Variants in PLXNA4 observed in about 807,000 individuals in gnomAD.
PLXNA4 encodes the protein plexin-A4.
PLXNA4 carries 44 observed loss-of-function variants against 191.8 expected under a neutral mutation model. The observed-to-expected ratio is 0.23, with a 90% CI of 0.18 to 0.29. The LOEUF (loss-of-function observed/expected upper bound fraction) is 0.29, where lower values mean the gene tolerates loss of function less well. Among genes scored for constraint, PLXNA4 ranks in the 10% least tolerant of loss-of-function variants. The pLI is 1.00. For synonymous variants in PLXNA4, 1,082 were observed against 1,009.5 expected (o/e 1.07, Z -1.36); for missense variants, 1,800 against 2,488.8 (o/e 0.72, Z 5.89).
intron 3 of PLXNA4, among the ~76,000 whole-genome samples, chr7:132,432,122 A>G (rs1292658025): frequency 6.6e-6 from 1 of 151,984 alleles, no homozygotes; most frequent in Non-Finnish European, 1.5e-5. Context: ...CCCTGGTCCA[A>G]TTACAGCCCA....
At chr7:132,495,286 C>T (rs1301537329) in intron 2 of PLXNA4, among the ~76,000 whole-genome samples, 3 of 152,206 alleles carry the variant, frequency 2.0e-5, no homozygotes, top group African/African-American at 4.8e-5. Flanking sequence ...AGCCAGAGCT[C>T]AATGGCCCAA....
At chr7:132,463,250 A>G (rs1796584356) in intron 3 of PLXNA4, among the ~76,000 whole-genome samples, 1 of 152,178 alleles carries the variant, frequency 6.6e-6, no homozygotes, top group Non-Finnish European at 1.5e-5. Context: ...AGGAAGGGCC[A>G]GAGAGGATTT....
At chr7:132,307,195 T>A (rs1801557438) in intron 3 of PLXNA4, among the ~76,000 whole-genome samples, 3 of 152,096 alleles carry the variant, frequency 2.0e-5, no homozygotes, top group African/African-American at 7.2e-5. Flanking sequence ...ACTGCACTCA[T>A]AGAAGCACCT....
intron 3 of PLXNA4, among the ~76,000 whole-genome samples, chr7:132,402,371 G>A (rs796309174): frequency 2.4e-4 from 37 of 152,314 alleles, no homozygotes; most frequent in African/African-American, 8.9e-4. Context: ...CACCTAACAT[G>A]AGGAAGCCAC....
At chr7:132,631,602 G>A (rs1037263950) in intron 2 of PLXNA4, among the ~76,000 whole-genome samples, 1 of 152,150 alleles carries the variant, frequency 6.6e-6, no homozygotes, top group Non-Finnish European at 1.5e-5. Flanking sequence ...GCTCTTATCT[G>A]ATCTTTTGCC....
chr7:132,357,507 T>C lies in PLXNA4; in HGVS notation c.1372-59285A>G, dbSNP rs556192263. On this transcript the variant is annotated intron_variant, in intron 3 of 31. Transcript: ENST00000321063. The stretch of plus-strand genomic sequence containing the variant: ...ATAGAGTAGTGCAATAGTTTGGTCC[T>C]GAATCCGTGTTCAGTTTGGAATCTT... Among the ~76,000 whole-genome samples the C allele has an allele frequency of 2.6e-5, 4 of 152,354 alleles. No homozygotes were observed. In the East Asian group the frequency reaches 7.7e-4, roughly 29 times the overall value.
At chr7:132,165,640 G>C (rs1171769095) in intron 22 of PLXNA4, among the ~76,000 whole-genome samples, 3 of 151,932 alleles carry the variant, frequency 2.0e-5, no homozygotes. Flanking sequence ...GATTTAAATA[G>C]TCACATGTGG....
At chr7:132,491,591 T>A (rs1487471614) in intron 2 of PLXNA4, among the ~76,000 whole-genome samples, 1 of 150,890 alleles carries the variant, frequency 6.6e-6, no homozygotes, top group South Asian at 2.1e-4. Flanking sequence ...CGTGGCCTGG[T>A]CCACCAGCCC....
Position 132,181,368 on chromosome 7 carries a change from AC to A in PLXNA4, c.3492+12del. 6.3e-7 allele frequency: 1 copy of A among 1,587,594 alleles called. No individual in the cohort carries two copies. The highest frequency in any genetic ancestry group is 1.1e-5 in the South Asian group (1 of 90,172). On this transcript the variant is annotated intron_variant, in intron 18 of 31. Transcript: ENST00000321063. ...TCTTTTCCCACCCCCGCCTCCCACC[AC>A]CCTCACTCCACCTTTAGGATGATGG...
At chr7:132,186,199 T>C (rs1796873392) in intron 15 of PLXNA4, among the ~76,000 whole-genome samples, 1 of 152,150 alleles carries the variant, frequency 6.6e-6, no homozygotes, top group Non-Finnish European at 1.5e-5. Context: ...GCCTTGCTCC[T>C]ACCCCCTAGG....
chr7:132,166,191 G>A (rs940465753), intron 22 of PLXNA4, among the ~76,000 whole-genome samples: 6 of 151,448 alleles, frequency 4.0e-5, no homozygotes, highest in Admixed American at 1.3e-4. Context: ...GTGAGACTCC[G>A]TCTCAAAAAC....
At chr7:132,635,521 G>A (rs2116884409) in intron 2 of PLXNA4, among the ~76,000 whole-genome samples, 1 of 152,212 alleles carries the variant, frequency 6.6e-6, no homozygotes, top group African/African-American at 2.4e-5. Flanking sequence ...AACACACGAT[G>A]TTCCCAGCAA....
chr7:132,426,410 T>C (rs1347655474), intron 3 of PLXNA4, among the ~76,000 whole-genome samples: 1 of 152,182 alleles, frequency 6.6e-6, no homozygotes, highest in Non-Finnish European at 1.5e-5. Flanking sequence ...AGGCACACAG[T>C]GTGACCAGCG....
intron 1 of PLXNA4, among the ~76,000 whole-genome samples, chr7:132,563,348 T>C (rs866041880): frequency 0.019 from 412 of 21,390 alleles, no homozygotes; most frequent in Non-Finnish European, 0.021. Flanking sequence ...TCTCCTCCTC[T>C]TTCTCCTCCT....
intron 3 of PLXNA4, among the ~76,000 whole-genome samples, chr7:132,468,724 A>G (rs774844276): frequency 4.1e-5 from 6 of 147,804 alleles, no homozygotes; most frequent in Non-Finnish European, 8.9e-5. Flanking sequence ...AACACACACA[A>G]TATGCACACG....
At chr7:132,511,024 T>A (rs2116281533) in intron 1 of PLXNA4, among the ~76,000 whole-genome samples, 1 of 129,914 alleles carries the variant, frequency 7.7e-6, no homozygotes, top group Middle Eastern at 3.9e-3. Flanking sequence ...AGCCTTAGCC[T>A]TTGCAGAAGG....
At chr7:132,186,167 T>C (rs1202896351) in intron 15 of PLXNA4, among the ~76,000 whole-genome samples, 1 of 152,016 alleles carries the variant, frequency 6.6e-6, no homozygotes, top group Non-Finnish European at 1.5e-5. Context: ...TTGCCTAGAG[T>C]CCTTCACTGA....
chr7:132,151,346 AGGAAG>A (rs1795607397), intron 25 of PLXNA4, among the ~76,000 whole-genome samples: 1 of 94,958 alleles, frequency 1.1e-5, no homozygotes, highest in Non-Finnish European at 2.5e-5. Flanking sequence ...GAGGAGGAGG[AGGAAG>A]AAGAAGGAGG....
chr7:132,629,193 A>G (rs2116876383), intron 2 of PLXNA4, among the ~76,000 whole-genome samples: 1 of 152,336 alleles, frequency 6.6e-6, no homozygotes, highest in Non-Finnish European at 1.5e-5. Context: ...CCTAACTACC[A>G]GCATTCCAGG....
Sources: allele counts gnomAD v4.1 joint callset (sites outside exome capture counted in the v4.1 genomes callset), GRCh38; gene constraint gnomAD v4.1.1; transcripts MANE v1.5; gene names NCBI Gene and HGNC (gene_info 2026-07-23, HGNC 2026-07-21).